The following CFAP90 variants were observed in gnomAD, a reference collection of about 807,000 sequenced individuals.
CFAP90 encodes the protein cilia- and flagella-associated protein 90.
chr5:7,830,874 A>AAAGT, the CFAP90 span: 1 of 152,338 alleles, frequency 6.6e-6, no homozygotes, highest in South Asian at 2.1e-4. Context: ...AATTATCTCC[A>AAAGT]AAGTAAGTAT....
the CFAP90 span, among the ~76,000 whole-genome samples, chr5:7,848,996 C>A: frequency 6.6e-6 from 1 of 152,176 alleles, no homozygotes; most frequent in East Asian, 1.9e-4. Flanking sequence ...CTAATACATG[C>A]ATGTCTGTCT....
At chr5:7,833,483 CAT>C in the CFAP90 span, among the ~76,000 whole-genome samples, 7 of 146,398 alleles carry the variant, frequency 4.8e-5, no homozygotes, top group East Asian at 1.9e-4. Context: ...CATATACACA[CAT>C]ATATAATAGA....
At chr5:7,836,828 G>T in the CFAP90 span, among the ~76,000 whole-genome samples, 11 of 152,228 alleles carry the variant, frequency 7.2e-5, no homozygotes, top group African/African-American at 2.4e-4. Flanking sequence ...GAACTTTAGA[G>T]ACCGACTTCA....
the CFAP90 span, among the ~76,000 whole-genome samples, chr5:7,849,854 G>A: frequency 5.5e-4 from 83 of 152,212 alleles, no homozygotes; most frequent in African/African-American, 1.9e-3. Context: ...CCATCCGGGC[G>A]TAGTCCCGGC....
chr5:7,835,902 C>T, the CFAP90 span, among the ~76,000 whole-genome samples: 1 of 152,150 alleles, frequency 6.6e-6, no homozygotes, highest in African/African-American at 2.4e-5. Context: ...TTATAGGCAA[C>T]AGCAGTGTAT....
chr5:7,831,992 A>G, the CFAP90 span: 2 of 1,612,960 alleles, frequency 1.2e-6, no homozygotes, highest in Non-Finnish European at 1.7e-6. Context: ...CTTCCCATAG[A>G]CAGAAGACGT....
At chr5:7,847,348 C>T in the CFAP90 span, among the ~76,000 whole-genome samples, 1 of 152,198 alleles carries the variant, frequency 6.6e-6, no homozygotes, top group African/African-American at 2.4e-5. Flanking sequence ...GTTACCCAAA[C>T]TGCATGGAAA....
the CFAP90 span, among the ~76,000 whole-genome samples, chr5:7,849,858 T>C: frequency 6.6e-6 from 1 of 152,044 alleles, no homozygotes; most frequent in Admixed American, 6.5e-5. Flanking sequence ...CCGGGCGTAG[T>C]CCCGGCAGCA....
At chr5:7,843,289 C>T in the CFAP90 span, among the ~76,000 whole-genome samples, 3 of 152,204 alleles carry the variant, frequency 2.0e-5, no homozygotes, top group African/African-American at 7.2e-5. Flanking sequence ...TTCTGTATCT[C>T]AGAGGACTGT....
the CFAP90 span, among the ~76,000 whole-genome samples, chr5:7,841,796 G>A: frequency 1.3e-5 from 2 of 152,064 alleles, no homozygotes; most frequent in African/African-American, 4.8e-5. Context: ...GGACACATGG[G>A]GGGTGGGCAA....
the CFAP90 span, among the ~76,000 whole-genome samples, chr5:7,834,507 G>T: frequency 0.013 from 1,954 of 152,166 alleles, 34 homozygotes; most frequent in East Asian, 0.064. Flanking sequence ...ATGTAGTGTA[G>T]CCAAAGTGTA....
At chr5:7,848,392 T>TA in the CFAP90 span, among the ~76,000 whole-genome samples, 1 of 152,094 alleles carries the variant, frequency 6.6e-6, no homozygotes, top group Non-Finnish European at 1.5e-5. Context: ...ATACCAGAGA[T>TA]CCTCCTGGGA....
chr5:7,850,135 C>T, the CFAP90 span, among the ~76,000 whole-genome samples: 1 of 152,138 alleles, frequency 6.6e-6, no homozygotes, highest in Non-Finnish European at 1.5e-5. Context: ...CATTCGCGCA[C>T]CCGGCTTCTC....
chr5:7,835,499 C>T, the CFAP90 span: 1 of 1,505,814 alleles, frequency 6.6e-7, no homozygotes, highest in Admixed American at 2.0e-5. Context: ...TAATTCCTGT[C>T]TAGGAAAAAA....
At chr5:7,830,551 GC>G in the CFAP90 span, 1 of 152,044 alleles carries the variant, frequency 6.6e-6, no homozygotes, top group Non-Finnish European at 1.5e-5. Flanking sequence ...ATAAACTACT[GC>G]CATTTGTTTG....
the CFAP90 span, chr5:7,831,802 T>C: frequency 2.6e-6 from 4 of 1,560,170 alleles, no homozygotes; most frequent in Non-Finnish European, 1.8e-6. Context: ...TGTGCAAACT[T>C]GCCAGGCCAC....
At chr5:7,848,744 T>C in the CFAP90 span, among the ~76,000 whole-genome samples, 3 of 152,224 alleles carry the variant, frequency 2.0e-5, no homozygotes, top group Non-Finnish European at 2.9e-5. Flanking sequence ...CCTCCCATCC[T>C]GTTCTCGTGA....
the CFAP90 span, among the ~76,000 whole-genome samples, chr5:7,840,960 C>T: frequency 7.2e-5 from 11 of 152,104 alleles, no homozygotes; most frequent in South Asian, 1.2e-3. Context: ...GGAACCAATC[C>T]GGCTGAATTG....
chr5:7,835,824 C>T, the CFAP90 span, among the ~76,000 whole-genome samples: 1 of 152,186 alleles, frequency 6.6e-6, no homozygotes, highest in Non-Finnish European at 1.5e-5. Context: ...AGAGCTCAAA[C>T]TTTAAAATAA....
Sources: gnomAD v4.1 joint callset for allele counts (sites outside exome capture counted in the v4.1 genomes callset) on GRCh38, gnomAD v4.1.1 for gene constraint, MANE v1.5 for transcripts, NCBI Gene and HGNC (gene_info 2026-07-23, HGNC 2026-07-21) for gene names.